The following DPP10 variants were observed in gnomAD, a reference collection of about 807,000 sequenced individuals.
DPP10 encodes dipeptidyl peptidase like 10, also known as inactive dipeptidyl peptidase 10.
In DPP10, 33 loss-of-function variants were observed where a neutral mutation model predicts 120.9. The ratio of observed to expected loss-of-function variants is 0.27; its 90% CI spans 0.21 to 0.37. The LOEUF is 0.37. Among genes scored for constraint, DPP10 ranks in the 10% least tolerant of loss-of-function variants. The pLI, the probability that DPP10 is intolerant of heterozygous loss-of-function variation, is 1.00. For synonymous variants in DPP10, 337 were observed against 326.1 expected, an observed-to-expected ratio of 1.03 and a Z score of -0.36; for missense variants, 816 against 942.8, an observed-to-expected ratio of 0.87 and a Z score of 1.76.
intron 1 of DPP10, among the ~76,000 whole-genome samples, chr2:115,087,533 CTTTTCTTTTTTT>C (rs1230749479): frequency 4.3e-5 from 4 of 92,590 alleles, no homozygotes; most frequent in Non-Finnish European, 6.6e-5. Context: ...CTTTTCTTTT[CTTTTCTTTTTTT>C]TTTTTTTTTT....
intron 4 of DPP10, among the ~76,000 whole-genome samples, chr2:115,519,396 T>A (rs566072543): frequency 6.6e-6 from 1 of 152,096 alleles, no homozygotes; most frequent in Non-Finnish European, 1.5e-5. Context: ...TACTCCAATA[T>A]CAAAATGCAT....
chr2:115,178,579 G>A (rs2053864578), intron 1 of DPP10, among the ~76,000 whole-genome samples: 1 of 152,096 alleles, frequency 6.6e-6, no homozygotes, highest in Non-Finnish European at 1.5e-5. Context: ...TAAATTGATG[G>A]TTATTATGAT....
chr2:114,743,858 G>A lies in DPP10; in HGVS notation c.60+301020G>A, dbSNP rs528755704. ...TCCTATAAATAAGATTGCCTGTCTT[G>A]TCTTGGTGGTGGATGTGATCGGGTT... is the stretch of plus-strand genomic sequence containing the variant. On this transcript the variant is annotated intron_variant, in intron 1 of 25. Coordinates refer to ENST00000410059, the MANE Select transcript of DPP10 (RefSeq NM_020868.6). 5.9e-5 allele frequency among the ~76,000 whole-genome samples: 9 copies of A among 152,178 alleles called. No homozygotes were observed. In the South Asian group the frequency reaches 1.9e-3, roughly 32 times the overall value.
chr2:114,668,328 A>G (rs1336771652), intron 1 of DPP10, among the ~76,000 whole-genome samples: 1 of 146,976 alleles, frequency 6.8e-6, no homozygotes, highest in Non-Finnish European at 1.5e-5. Context: ...GTTATCCAAG[A>G]GAAGAAGAAG....
At chr2:114,685,284 C>CA (rs1338286215) in intron 1 of DPP10, among the ~76,000 whole-genome samples, 1 of 151,918 alleles carries the variant, frequency 6.6e-6, no homozygotes, top group Non-Finnish European at 1.5e-5. Context: ...CAACAAACAA[C>CA]AAGATTTGAA....
At chr2:114,956,467 G>T (rs1366627516) in intron 1 of DPP10, among the ~76,000 whole-genome samples, 2 of 151,902 alleles carry the variant, frequency 1.3e-5, no homozygotes, top group East Asian at 3.9e-4. Context: ...TAAATGGAAA[G>T]ATATCCCATG....
At chr2:115,533,089 C>A (rs1244668816) in intron 5 of DPP10, among the ~76,000 whole-genome samples, 1 of 151,838 alleles carries the variant, frequency 6.6e-6, no homozygotes, top group Non-Finnish European at 1.5e-5. Context: ...TTAAAATACA[C>A]CATGTCAAGT....
intron 1 of DPP10, among the ~76,000 whole-genome samples, chr2:114,974,646 T>C (rs1030085161): frequency 1.3e-5 from 2 of 151,960 alleles, no homozygotes; most frequent in African/African-American, 4.8e-5. Flanking sequence ...TGCCCTCAAG[T>C]GGTCCACCCC....
chr2:115,631,360 C>T (rs1048714788), intron 5 of DPP10, among the ~76,000 whole-genome samples: 1 of 151,078 alleles, frequency 6.6e-6, no homozygotes, highest in African/African-American at 2.4e-5. Flanking sequence ...TTTTCAAAAA[C>T]AAACTGGATT....
intron 2 of DPP10, among the ~76,000 whole-genome samples, chr2:115,333,443 T>C (rs1274932575): frequency 6.6e-6 from 1 of 152,176 alleles, no homozygotes; most frequent in Non-Finnish European, 1.5e-5. Context: ...AATATTGTTA[T>C]GTGTGAATTT....
intron 2 of DPP10, among the ~76,000 whole-genome samples, chr2:115,331,606 G>A (rs930719314): frequency 4.1e-4 from 62 of 151,958 alleles, no homozygotes; most frequent in Admixed American, 7.2e-4. Context: ...CATCAATACC[G>A]AATTTATTGA....
chr2:115,574,518 C>T (rs141520857), intron 5 of DPP10, among the ~76,000 whole-genome samples: 37 of 152,300 alleles, frequency 2.4e-4, no homozygotes, highest in African/African-American at 8.2e-4. Context: ...TTCTTCAACA[C>T]TTAACTAAAT....
At chr2:115,301,424 T>C (rs1189542499) in intron 1 of DPP10, among the ~76,000 whole-genome samples, 5 of 151,016 alleles carry the variant, frequency 3.3e-5, no homozygotes, top group African/African-American at 1.2e-4. Flanking sequence ...TAAGTTCCAC[T>C]GCCCTCCTTC....
chr2:115,215,113 CTGTT>C (rs1266173604), intron 1 of DPP10, among the ~76,000 whole-genome samples: 8 of 152,228 alleles, frequency 5.3e-5, no homozygotes, highest in Admixed American at 1.3e-4. Flanking sequence ...ATGGTAATGA[CTGTT>C]TGGTGGGTAT....
intron 12 of DPP10, among the ~76,000 whole-genome samples, chr2:115,766,540 C>T (rs955994130): frequency 2.6e-5 from 4 of 151,846 alleles, no homozygotes; most frequent in Non-Finnish European, 5.9e-5. Context: ...CTCATACATA[C>T]ATACATTCAT....
intron 1 of DPP10, among the ~76,000 whole-genome samples, chr2:115,257,900 C>A (rs949770058): frequency 6.6e-6 from 1 of 151,930 alleles, no homozygotes; most frequent in African/African-American, 2.4e-5. Context: ...TATAAAGAGT[C>A]CTAGAAGGGG....
chr2:115,478,005 ACT>A (rs1182758449), intron 3 of DPP10, among the ~76,000 whole-genome samples: 9 of 151,996 alleles, frequency 5.9e-5, no homozygotes, highest in African/African-American at 2.2e-4. Flanking sequence ...CAGGTGCCAC[ACT>A]CTTTTAAACA....
intron 1 of DPP10, among the ~76,000 whole-genome samples, chr2:115,030,859 T>A (rs190751100): frequency 4.6e-5 from 7 of 152,306 alleles, no homozygotes; most frequent in Admixed American, 4.6e-4. Context: ...GTGTGGCAGT[T>A]CCTCAAAGTG....
chr2:115,288,845 T>C lies in DPP10; in HGVS notation c.61-20394T>C, dbSNP rs111680207. Among the ~76,000 whole-genome samples the C allele has an allele frequency of 6.3e-3, 961 of 152,192 alleles. 10 individuals are homozygous for C. The highest frequency in any genetic ancestry group is 0.022 in the African/African-American group (902 of 41,546). The stretch of plus-strand genomic sequence containing the variant: ...AAGGCACAGCCAATATAATACTGAA[T>C]GGGGAAAAGTTGAAAGCATTCCTCT... On this transcript the variant is annotated intron_variant, in intron 1 of 25. Transcript: ENST00000410059.
Sources: gnomAD v4.1 joint callset for allele counts (sites outside exome capture counted in the v4.1 genomes callset) on GRCh38, gnomAD v4.1.1 for gene constraint, MANE v1.5 for transcripts, NCBI Gene and HGNC (gene_info 2026-07-23, HGNC 2026-07-21) for gene names.